The following LRIT3 variants were observed in gnomAD, a reference collection of about 807,000 sequenced individuals.
The protein encoded by LRIT3 is leucine-rich repeat, immunoglobulin-like domain and transmembrane domain-containing protein 3.
A neutral mutation model predicts 22.6 loss-of-function variants in LRIT3; 14 were observed. The ratio of observed to expected loss-of-function variants is 0.62; its 90% CI spans 0.41 to 0.97. The LOEUF (loss-of-function observed/expected upper bound fraction) is 0.97. LRIT3 is among the 50% of genes least tolerant of loss of function. The probability of loss-of-function intolerance (pLI) is 0.00; values close to 1 mark genes in which losing one functional copy is unlikely to be tolerated. For synonymous variants in LRIT3, 306 were observed against 304.5 expected (o/e 1.01, Z -0.05); for missense variants, 783 against 803.0 (o/e 0.98, Z 0.30).
intron 3 of LRIT3, among the ~76,000 whole-genome samples, chr4:109,868,578 G>A (rs1734743930): frequency 1.3e-5 from 2 of 149,124 alleles, no homozygotes; most frequent in South Asian, 2.1e-4. Context: ...AAAAAAGGAC[G>A]GGGGGCTTTT....
chr4:109,869,652 A>G lies in LRIT3; in HGVS notation c.903A>G (p.Gln301=). 1 of 1,536,914 alleles carries G rather than the reference A, an allele frequency of 6.5e-7. No homozygotes were observed. Among genetic ancestry groups the G allele is most frequent in the Non-Finnish European group, 8.7e-7 (1 of 1,144,234 alleles). The change falls in exon 4 of 4, where the codon CAA becomes CAG. Residue 301 remains glutamine, a synonymous_variant. Coordinates refer to ENST00000594814, the MANE Select transcript of LRIT3 (RefSeq NM_198506.5). ...DSSPVNYTVI[Q]ESPEEGVRWS... is the part of the protein sequence containing the mutation. ...ACATTTGTTTTCTTCCAGTAATACA[A>G]GAATCTCCAGAGGAAGGAGTCAGAT...
chr4:109,861,823 T>G (rs1734555965), intron 2 of LRIT3, among the ~76,000 whole-genome samples: 1 of 152,238 alleles, frequency 6.6e-6, no homozygotes, highest in Admixed American at 6.5e-5. Context: ...CTTTTACAGT[T>G]AGTGCTTTCT....
At chr4:109,851,435 T>C (rs1734252872) in intron 1 of LRIT3, 69 bp from the exon 2 acceptor site, 1 of 1,459,854 alleles carries the variant, frequency 6.9e-7, no homozygotes, top group Non-Finnish European at 9.0e-7. Context: ...ATTTTTCAAA[T>C]GAGAAGTATT....
At chr4:109,867,487 C>T (rs1734710945) in intron 2 of LRIT3, among the ~76,000 whole-genome samples, 154 bp from the exon 3 acceptor site, 3 of 151,990 alleles carry the variant, frequency 2.0e-5, no homozygotes, top group Admixed American at 2.0e-4. Flanking sequence ...TGCTGGATTG[C>T]AGAGCAAAAC....
chr4:109,849,193 T>C (rs1368642561), intron 1 of LRIT3, among the ~76,000 whole-genome samples: 1 of 152,228 alleles, frequency 6.6e-6, no homozygotes, highest in Non-Finnish European at 1.5e-5. Context: ...GAAAAGCTTA[T>C]CTTGTTATTG....
At chr4:109,850,328 T>A (rs190994504) in intron 1 of LRIT3, among the ~76,000 whole-genome samples, 26 of 151,864 alleles carry the variant, frequency 1.7e-4, no homozygotes, top group African/African-American at 6.3e-4. Flanking sequence ...TCCTCATACT[T>A]TAAATTTACA....
At chr4:109,865,579 G>T in intron 2 of LRIT3, among the ~76,000 whole-genome samples, 1 of 152,136 alleles carries the variant, frequency 6.6e-6, no homozygotes, top group East Asian at 1.9e-4. Flanking sequence ...CTAGTATAGG[G>T]AATATGTTTT....
Position 109,851,669 on chromosome 4 carries a change from C to T in LRIT3, c.282C>T (p.Ala94=), listed in dbSNP as rs1394803434. 1 of 1,551,578 alleles carries T rather than the reference C, an allele frequency of 6.4e-7. No individual in the cohort carries two copies. Among genetic ancestry groups the T allele is most frequent in the East Asian group, 2.4e-5 (1 of 40,928 alleles). Residue 94 remains alanine (A), a synonymous_variant, in exon 2 of 4, where the codon GCC becomes GCT. Transcript: ENST00000594814. ...TCTGGGTGACTTACAATTCCGTGGC[C>T]AGCATTGACCCCAGCAGCTTTTACA... is the stretch of plus-strand genomic sequence containing the variant. ...QYLWVTYNSV[A]SIDPSSFYNL... is the part of the protein sequence containing the mutation.
intron 2 of LRIT3, among the ~76,000 whole-genome samples, chr4:109,862,505 T>C (rs1243413808): frequency 1.3e-5 from 2 of 152,238 alleles, no homozygotes; most frequent in Non-Finnish European, 2.9e-5. Context: ...AGACATTTTA[T>C]TTTTGAAGGA....
In LRIT3 at chr4:109,851,946, C is replaced by A. The variant is rs1485712074; in HGVS notation, c.559C>A (p.Leu187Met). 6.5e-7 allele frequency: 1 copy of A among 1,549,604 alleles called. No homozygotes were observed. The highest frequency in any genetic ancestry group is 2.4e-5 in the East Asian group (1 of 40,908). The stretch of plus-strand genomic sequence containing the variant: ...TTTAGTTTCAACACCTTCTGGAGTC[C>A]TGGACCTTTCCCCAAGCAGGATTAT... ...THLVSTPSGVLDLSPSRIILG... is the reference protein window; with the variant it reads ...THLVSTPSGVMDLSPSRIILG... The change falls in exon 2 of 4, where the codon CTG (leucine) becomes ATG (methionine). Residue 187 changes from leucine to methionine, a missense_variant. Transcript: ENST00000594814.
chr4:109,850,402 C>CTTTCTTT (rs1560588814), intron 1 of LRIT3, among the ~76,000 whole-genome samples: 2 of 766 alleles, frequency 2.6e-3, no homozygotes, highest in Non-Finnish European at 0.014. Flanking sequence ...TTCCTTCCTT[C>CTTTCTTT]CTTCCTTCCT....
At chr4:109,863,794 C>T (rs571680818) in intron 2 of LRIT3, among the ~76,000 whole-genome samples, 79 of 152,210 alleles carry the variant, frequency 5.2e-4, no homozygotes, top group African/African-American at 1.9e-3. Context: ...GAATGTGGAC[C>T]TCTCAGTGCT....
intron 1 of LRIT3, among the ~76,000 whole-genome samples, chr4:109,849,895 G>A (rs1301709801): frequency 1.3e-5 from 2 of 152,208 alleles, no homozygotes; most frequent in Admixed American, 1.3e-4. Context: ...TTACAGGCGT[G>A]AGCCACCGCA....
In LRIT3 at chr4:109,859,530, C is replaced by T. The variant is rs576910268; in HGVS notation, c.589+7554C>T. On this transcript the variant is annotated intron_variant, in intron 2 of 3. Coordinates refer to ENST00000594814, the MANE Select transcript of LRIT3 (RefSeq NM_198506.5). ...TTACAAACAATCCATAGAAACAGGA[C>T]GTGAAGCTAGACAACCGGTTAGACC... Among the ~76,000 whole-genome samples, 13 of 152,236 alleles carry T rather than the reference C, an allele frequency of 8.5e-5. No individual in the cohort carries two copies. The South Asian group carries it at 2.1e-3, about 24-fold the overall frequency.
chr4:109,851,471 A>C (rs937551118), intron 1 of LRIT3, 33 bp from the exon 2 acceptor site: 2 of 1,478,426 alleles, frequency 1.4e-6, no homozygotes, highest in Non-Finnish European at 1.8e-6. Flanking sequence ...TTGGAAAGTG[A>C]GTTTCCTCAC....
intron 2 of LRIT3, among the ~76,000 whole-genome samples, chr4:109,858,263 G>A (rs1199560008): frequency 2.6e-5 from 4 of 152,134 alleles, no homozygotes; most frequent in African/African-American, 9.7e-5. Context: ...GAGGGTAGAA[G>A]GAGCAATGTC....
chr4:109,857,895 G>A (rs994628300), intron 2 of LRIT3, among the ~76,000 whole-genome samples: 8 of 152,282 alleles, frequency 5.3e-5, no homozygotes, highest in East Asian at 1.9e-4. Flanking sequence ...TATAATCAGC[G>A]ATTCCTATTT....
rs151283521 is a variant in LRIT3 at position 109,869,906 on chromosome 4, T to G, written c.1157T>G (p.Leu386Arg). 13 of 1,614,138 alleles carry G rather than the reference T, an allele frequency of 8.1e-6. No individual in the cohort carries two copies. Among genetic ancestry groups the G allele is most frequent in the African/African-American group, 5.3e-5 (4 of 75,038 alleles). Residue 386 changes from leucine to arginine, a missense_variant, in exon 4 of 4, where the codon CTT (leucine) becomes CGT (arginine). Around this residue, in one of 2 missense-constraint regions of LRIT3, gnomAD observed 756 missense variants for 753.8 expected, o/e 1.00. Transcript: ENST00000594814. ...STSVSSASSY[L>R]WSSSFSPTSS... Reference sequence around the variant, plus strand: ...TCTGTATCTAGCGCATCATCATATCTTTGGTCCTCTTCCTTCTCCCCCACA... The same window carrying G: ...TCTGTATCTAGCGCATCATCATATCGTTGGTCCTCTTCCTTCTCCCCCACA...
intron 3 of LRIT3, 54 bp from the exon 4 acceptor site, chr4:109,869,591 G>C: frequency 6.7e-7 from 1 of 1,495,424 alleles, no homozygotes. Flanking sequence ...AGTTGGCATG[G>C]TGGCTTGAAT....
Sources: gnomAD v4.1 joint callset for allele counts (sites outside exome capture counted in the v4.1 genomes callset) on GRCh38, gnomAD v4.1.1 for gene constraint, gnomAD v4.1.1 regional missense constraint, MANE v1.5 for transcripts, NCBI Gene and HGNC (gene_info 2026-07-23, HGNC 2026-07-21) for gene names.